CBX1: variants seen among roughly 807,000 people sequenced by gnomAD.
The protein encoded by CBX1 is chromobox protein homolog 1.
A neutral mutation model predicts 25.1 loss-of-function variants in CBX1; 10 were observed. The observed-to-expected ratio is 0.40, with a 90% CI of 0.25 to 0.68. The LOEUF is 0.68. Ranked by LOEUF, CBX1 falls within the 30% of genes least tolerant of loss-of-function variation. The probability of loss-of-function intolerance (pLI) is 0.40; values close to 1 mark genes in which losing one functional copy is unlikely to be tolerated. For synonymous variants in CBX1, 63 were observed against 79.4 expected, an observed-to-expected ratio of 0.79 and a Z score of 1.10; for missense variants, 106 against 218.5, an observed-to-expected ratio of 0.49 and a Z score of 3.25.
At position 48,073,824 on chromosome 17, in the gene CBX1, CAAAAA is replaced by C. The variant is rs60857566; in HGVS notation, c.413+1177_413+1181del. On this transcript the variant is annotated intron_variant, in intron 4 of 4. Coordinates refer to ENST00000225603, the MANE Select transcript of CBX1 (RefSeq NM_001127228.2). ...CCTGGGCGAAAGAGTGAGACTGTCT[CAAAAA>C]AAAAAAAAAAAAAAAAGACAGTAGT... Among the ~76,000 whole-genome samples, 498 of 82,500 alleles carry C rather than the reference CAAAAA, an allele frequency of 6.0e-3. 4 individuals are homozygous for C. The highest frequency in any genetic ancestry group is 8.7e-3 in the Non-Finnish European group (387 of 44,616). The allele number at this position is 82,500 out of a possible 152,430, so 54.1% of individuals were successfully genotyped here.
chr17:48,087,557 G>A (rs1265596410), intron 1 of CBX1, among the ~76,000 whole-genome samples: 1 of 151,814 alleles, frequency 6.6e-6, no homozygotes, highest in East Asian at 1.9e-4. Context: ...CTGGGCAACA[G>A]AGTGAGACTC....
Position 48,075,015 on chromosome 17 carries a change from A to G in CBX1, c.404T>C (p.Leu135Pro). The G allele has an allele frequency of 6.2e-7, 1 of 1,611,372 alleles. No individual in the cohort carries two copies. Among genetic ancestry groups the G allele is most frequent in the Non-Finnish European group, 8.5e-7 (1 of 1,177,466 alleles). The change falls in exon 4 of 5, where the codon CTG becomes CCG. Residue 135 changes from leucine to proline, a missense_variant. Leu to Pro is a moderately conservative substitution (Grantham distance 98). Around this residue, in one of 4 missense-constraint regions of CBX1, gnomAD observed 71 missense variants for 144.1 expected, o/e 0.49. Coordinates refer to ENST00000225603, the MANE Select transcript of CBX1 (RefSeq NM_001127228.2). ...ATDSSGELMFLMKWKNSDEAD... is the reference protein window; with the variant it reads ...ATDSSGELMFPMKWKNSDEAD... ...CCACTGGCCGACTCACCATTTCATC[A>G]GGAACATGAGCTCTCCACTGGAGTC...
intron 1 of CBX1, among the ~76,000 whole-genome samples, chr17:48,084,317 G>T (rs538950942): frequency 7.8e-6 from 1 of 128,180 alleles, no homozygotes; most frequent in Non-Finnish European, 1.5e-5. Flanking sequence ...GAGTTCAAGC[G>T]ATTCTCCTGC....
At chr17:48,086,039 C>A (rs919793487) in intron 1 of CBX1, among the ~76,000 whole-genome samples, 1 of 152,150 alleles carries the variant, frequency 6.6e-6, no homozygotes, top group Non-Finnish European at 1.5e-5. Context: ...CCACTGCACT[C>A]CAGCCTGGGT....
chr17:48,101,411 GC>G lies in CBX1; in HGVS notation c.-182del, dbSNP rs2063409380. On this transcript the variant is annotated 5_prime_UTR_variant, in exon 1 of 5. Coordinates refer to ENST00000225603, the MANE Select transcript of CBX1 (RefSeq NM_001127228.2). ...CCCTCACTGAAGCGGCGTACCGCAG[GC>G]CCCGGCCAACGGCCCTCCCCTCAGC... 1.0e-6 allele frequency: 1 copy of G among 985,532 alleles called. No individual in the cohort carries two copies. Among genetic ancestry groups the G allele is most frequent in the Non-Finnish European group, 1.2e-6 (1 of 829,994 alleles). 61.0% of individuals were successfully genotyped at this position (985,532 alleles called of 1,614,324 possible).
intron 1 of CBX1, among the ~76,000 whole-genome samples, chr17:48,077,748 C>T (rs1418145226): frequency 6.6e-6 from 1 of 152,040 alleles, no homozygotes; most frequent in Non-Finnish European, 1.5e-5. Flanking sequence ...TTGGAAGGCC[C>T]AAGTGGGAGA....
chr17:48,101,339 G>T lies in CBX1; in HGVS notation c.-109C>A, dbSNP rs2063409006. ...TGGCGCGTCGCGTCGGGTCGCCTGG[G>T]GGAGTGGCGCCCAGGAAGGCAGCAA... is the stretch of plus-strand genomic sequence containing the variant. On this transcript the variant is annotated 5_prime_UTR_variant, in exon 1 of 5. Coordinates refer to ENST00000225603, the MANE Select transcript of CBX1 (RefSeq NM_001127228.2). The T allele has an allele frequency of 3.0e-6, 3 of 986,092 alleles. No individual in the cohort carries two copies. The highest frequency in any genetic ancestry group is 3.6e-6 in the Non-Finnish European group (3 of 830,144). 61.1% of individuals were successfully genotyped at this position (986,092 alleles called of 1,614,324 possible). A position where few individuals can be genotyped will look rare whatever the true frequency, so the allele number is the denominator to read the frequency against.
intron 1 of CBX1, among the ~76,000 whole-genome samples, chr17:48,087,143 C>G (rs894851970): frequency 6.7e-6 from 1 of 150,304 alleles, no homozygotes; most frequent in Non-Finnish European, 1.5e-5. Flanking sequence ...GAGCCCAGAT[C>G]GCACCATTGC....
intron 4 of CBX1, among the ~76,000 whole-genome samples, chr17:48,074,059 C>A (rs1208822000): frequency 2.0e-5 from 3 of 152,100 alleles, no homozygotes; most frequent in African/African-American, 7.2e-5. Context: ...CCAGTAACTG[C>A]CTAGGGAATA....
chr17:48,098,344 C>G (rs1305204114), intron 1 of CBX1, among the ~76,000 whole-genome samples: 1 of 152,178 alleles, frequency 6.6e-6, no homozygotes, highest in Non-Finnish European at 1.5e-5. Context: ...TGCCAAATGT[C>G]ACAGACACAG....
chr17:48,088,784 C>T (rs2063327123), intron 1 of CBX1: 1 of 152,090 alleles, frequency 6.6e-6, no homozygotes, highest in African/African-American at 2.4e-5. Flanking sequence ...TAAGCAAGCA[C>T]CAGTTTACCA....
intron 1 of CBX1, among the ~76,000 whole-genome samples, chr17:48,086,437 C>T (rs556433927): frequency 2.7e-4 from 41 of 152,284 alleles, no homozygotes; most frequent in Admixed American, 1.3e-4. Flanking sequence ...CTAGGAACTT[C>T]CACGATTCTG....
intron 1 of CBX1, among the ~76,000 whole-genome samples, chr17:48,094,226 G>A (rs1407719018): frequency 2.0e-5 from 3 of 151,804 alleles, no homozygotes; most frequent in Non-Finnish European, 2.9e-5. Flanking sequence ...TTGAGGTCAG[G>A]AGTTCAAGAT....
chr17:48,077,055 T>C lies in CBX1; in HGVS notation c.-37-14A>G, dbSNP rs2037681362. On this transcript the variant is annotated splice_polypyrimidine_tract_variant and intron_variant, in intron 1 of 4. Transcript: ENST00000225603. ...AGGGTGACGCTGCTAAAATGATAAA[T>C]GAAATAAAAAGGGCATTAGGGAGCA... 6.3e-7 allele frequency: 1 copy of C among 1,575,048 alleles called. No individual in the cohort carries two copies. The highest frequency in any genetic ancestry group is 1.2e-5 in the South Asian group (1 of 84,310).
intron 1 of CBX1, among the ~76,000 whole-genome samples, chr17:48,094,793 A>C (rs1240368543): frequency 2.0e-5 from 3 of 151,544 alleles, no homozygotes; most frequent in Non-Finnish European, 4.4e-5. Flanking sequence ...CACACCTATA[A>C]ATCAGTACTT....
Position 48,071,171 on chromosome 17 carries a change from A to G in CBX1, c.*264T>C, listed in dbSNP as rs1268089831. 2 of 301,362 alleles carry G rather than the reference A, an allele frequency of 6.6e-6. No homozygotes were observed. The highest frequency in any genetic ancestry group is 1.2e-5 in the Non-Finnish European group (2 of 162,400). 18.7% of individuals were successfully genotyped at this position (301,362 alleles called of 1,614,324 possible). On this transcript the variant is annotated 3_prime_UTR_variant, in exon 5 of 5. Transcript: ENST00000225603. Reference sequence around the variant, plus strand: ...ATTCTGCAAGTTTTGTCCTTCATAGAAGGCCCTTTGCTTTTCGCAGCAAAG... The same window carrying G: ...ATTCTGCAAGTTTTGTCCTTCATAGGAGGCCCTTTGCTTTTCGCAGCAAAG...
chr17:48,072,403 T>C (rs934141159), intron 4 of CBX1, among the ~76,000 whole-genome samples: 6 of 152,206 alleles, frequency 3.9e-5, no homozygotes, highest in Non-Finnish European at 8.8e-5. Flanking sequence ...CACTTCCAAA[T>C]GCTATCCTCG....
intron 1 of CBX1, among the ~76,000 whole-genome samples, chr17:48,084,202 CTTTTTTTTTTTTTTTT>C (rs869263376): frequency 1.6e-5 from 1 of 61,320 alleles, no homozygotes; most frequent in Admixed American, 2.4e-4. Flanking sequence ...TCTTTCTTTC[CTTTTTTTTTTTTTTTT>C]TTTTTTTTTT....
chr17:48,089,169 C>T (rs980903032), intron 1 of CBX1, among the ~76,000 whole-genome samples: 1 of 144,964 alleles, frequency 6.9e-6, no homozygotes, highest in Non-Finnish European at 1.5e-5. Context: ...GGTGTGATCT[C>T]GGCTCACTGA....
Sources: gnomAD v4.1 joint callset for allele counts (sites outside exome capture counted in the v4.1 genomes callset) on GRCh38, gnomAD v4.1.1 for gene constraint, gnomAD v4.1.1 regional missense constraint, MANE v1.5 for transcripts, NCBI Gene and HGNC (gene_info 2026-07-23, HGNC 2026-07-21) for gene names.